The following RXFP1 variants were observed in gnomAD, a reference collection of about 807,000 sequenced individuals.
The protein encoded by RXFP1 is relaxin family peptide receptor 1.
A neutral mutation model predicts 89.8 loss-of-function variants in RXFP1; 73 were observed. The observed-to-expected ratio is 0.81, with a 90% CI of 0.67 to 0.99. RXFP1 has a LOEUF of 0.99. Among genes scored for constraint, RXFP1 ranks in the 50% least tolerant of loss-of-function variants. The pLI, the probability that RXFP1 is intolerant of heterozygous loss-of-function variation, is 0.00. For synonymous variants in RXFP1, 277 were observed against 305.5 expected, an observed-to-expected ratio of 0.91 and a Z score of 0.97; for missense variants, 793 against 895.5, an observed-to-expected ratio of 0.89 and a Z score of 1.46.
intron 1 of RXFP1, among the ~76,000 whole-genome samples, chr4:158,540,618 C>T (rs1268213493): frequency 6.7e-6 from 1 of 150,032 alleles, no homozygotes; most frequent in Non-Finnish European, 1.5e-5. Flanking sequence ...ATGCAGCCTA[C>T]TAGATCTCCA....
At chr4:158,539,646 G>A (rs986145365) in intron 1 of RXFP1, among the ~76,000 whole-genome samples, 2 of 152,134 alleles carry the variant, frequency 1.3e-5, no homozygotes, top group Non-Finnish European at 2.9e-5. Context: ...CATCAAATTA[G>A]ACCACATGTG....
At chr4:158,552,628 A>G (rs1750399168) in intron 1 of RXFP1, among the ~76,000 whole-genome samples, 1 of 152,252 alleles carries the variant, frequency 6.6e-6, no homozygotes, top group African/African-American at 2.4e-5. Context: ...GGTTCAAGTT[A>G]CAAAATAGAA....
intron 1 of RXFP1, chr4:158,543,638 T>G: frequency 2.2e-6 from 1 of 450,142 alleles, no homozygotes; most frequent in Non-Finnish European, 2.9e-6. Flanking sequence ...CCAGTCAGTA[T>G]TTATATTTAT....
At chr4:158,568,351 A>G (rs1438093241) in intron 1 of RXFP1, among the ~76,000 whole-genome samples, 2 of 152,254 alleles carry the variant, frequency 1.3e-5, no homozygotes, top group African/African-American at 4.8e-5. Context: ...ACATAAAAAG[A>G]TAATATTCAG....
chr4:158,617,147 G>A lies in RXFP1; in HGVS notation c.697G>A (p.Val233Ile), dbSNP rs116791794. 3.6e-4 allele frequency: 578 copies of A among 1,607,846 alleles called. 2 individuals are homozygous for A. In the African/African-American group the frequency reaches 6.5e-3, roughly 18 times the overall value. Residue 233 changes from valine (V) to isoleucine (I), a missense_variant, in exon 9 of 18, where the codon GTC (valine) becomes ATC (isoleucine). Coordinates refer to ENST00000307765, the MANE Select transcript of RXFP1 (RefSeq NM_021634.4). ...SLILLVLMNN[V>I]LTRLPDKPLC... ...CTTTTTCAGAGTCCTGATGAATAACGTCCTCACCCGTTTACCTGATAAACC... is the reference window on the plus strand; with the variant it reads ...CTTTTTCAGAGTCCTGATGAATAACATCCTCACCCGTTTACCTGATAAACC...
intron 9 of RXFP1, among the ~76,000 whole-genome samples, chr4:158,617,699 T>C (rs1186263435): frequency 6.6e-6 from 1 of 152,116 alleles, no homozygotes; most frequent in African/African-American, 2.4e-5. Flanking sequence ...CACTCCACCA[T>C]TTAGAACTCA....
chr4:158,612,330 A>C lies in RXFP1; in HGVS notation c.648A>C (p.Pro216=). ...ATCACCTCAGTCGAATTTCCCCACC[A>C]ACATTTTATGGACTAAATTCTCTTA... is the stretch of plus-strand genomic sequence containing the variant. The part of the protein sequence containing the change: ...EDNHLSRISP[P]TFYGLNSLIL... Residue 216 remains proline, a synonymous_variant, in exon 8 of 18, where the codon CCA becomes CCC. Coordinates refer to ENST00000307765, the MANE Select transcript of RXFP1 (RefSeq NM_021634.4). The C allele has an allele frequency of 6.2e-7, 1 of 1,612,164 alleles. No homozygotes were observed. Among genetic ancestry groups the C allele is most frequent in the Non-Finnish European group, 8.5e-7 (1 of 1,178,810 alleles).
chr4:158,585,051 A>G (rs941971458), intron 2 of RXFP1, among the ~76,000 whole-genome samples: 3 of 152,154 alleles, frequency 2.0e-5, no homozygotes, highest in African/African-American at 7.2e-5. Context: ...CTTTTCTTTC[A>G]AGTTCCCAGG....
chr4:158,555,381 G>A (rs1283875824), intron 1 of RXFP1, among the ~76,000 whole-genome samples: 4 of 152,168 alleles, frequency 2.6e-5, no homozygotes, highest in Non-Finnish European at 5.9e-5. Flanking sequence ...TCCCAAAAAT[G>A]ATAACCAGCC....
At chr4:158,625,657 T>C (rs950791084) in intron 9 of RXFP1, among the ~76,000 whole-genome samples, 2 of 152,154 alleles carry the variant, frequency 1.3e-5, no homozygotes, top group African/African-American at 4.8e-5. Context: ...TCAGCATCTA[T>C]TTTTAATGCA....
chr4:158,611,051 A>G (rs1446737498), intron 6 of RXFP1, among the ~76,000 whole-genome samples: 1 of 152,220 alleles, frequency 6.6e-6, no homozygotes, highest in East Asian at 1.9e-4. Flanking sequence ...GAGGGAAGAA[A>G]CTGGAGTAAG....
intron 1 of RXFP1, among the ~76,000 whole-genome samples, chr4:158,554,784 TA>T (rs1387286808): frequency 6.6e-6 from 1 of 152,048 alleles, no homozygotes; most frequent in Non-Finnish European, 1.5e-5. Flanking sequence ...ATGCTGGAAA[TA>T]AGTCATAGAG....
At chr4:158,640,688 T>G (rs76402494) in intron 14 of RXFP1, among the ~76,000 whole-genome samples, 1 of 152,178 alleles carries the variant, frequency 6.6e-6, no homozygotes, top group African/African-American at 2.4e-5. Flanking sequence ...GAATCAACTT[T>G]TGACATGAGA....
chr4:158,562,544 AAAAAAAAT>A (rs1752701229), intron 1 of RXFP1, among the ~76,000 whole-genome samples: 2 of 148,348 alleles, frequency 1.3e-5, no homozygotes, highest in African/African-American at 2.5e-5. Flanking sequence ...AAAAAAAAAA[AAAAAAAAT>A]ACACATATTT....
At chr4:158,626,111 T>TAGATAG (rs1766658287) in intron 9 of RXFP1, among the ~76,000 whole-genome samples, 52 of 136,592 alleles carry the variant, frequency 3.8e-4, no homozygotes, top group African/African-American at 1.3e-3. Context: ...TAGATATCTA[T>TAGATAG]ATAGATAGAT....
intron 1 of RXFP1, among the ~76,000 whole-genome samples, chr4:158,536,062 G>A (rs1745210705): frequency 6.6e-6 from 1 of 152,194 alleles, no homozygotes; most frequent in Non-Finnish European, 1.5e-5. Context: ...CCATTATCTG[G>A]AAGTACATAC....
intron 11 of RXFP1, among the ~76,000 whole-genome samples, chr4:158,632,838 A>C (rs756094180): frequency 6.6e-6 from 1 of 152,222 alleles, no homozygotes; most frequent in Non-Finnish European, 1.5e-5. Context: ...AAGAAGGGGC[A>C]CAACACAGAA....
At chr4:158,618,042 C>A (rs559077277) in intron 9 of RXFP1, among the ~76,000 whole-genome samples, 6 of 152,200 alleles carry the variant, frequency 3.9e-5, no homozygotes, top group African/African-American at 1.2e-4. Flanking sequence ...TACTAATCTG[C>A]AACCTCTCAG....
chr4:158,573,973 T>G (rs1187886793), intron 2 of RXFP1, among the ~76,000 whole-genome samples: 1 of 152,222 alleles, frequency 6.6e-6, no homozygotes, highest in African/African-American at 2.4e-5. Context: ...ACAACTTACT[T>G]CCTACTTAAC....
Sources: allele counts gnomAD v4.1 joint callset (sites outside exome capture counted in the v4.1 genomes callset), GRCh38; gene constraint gnomAD v4.1.1; transcripts MANE v1.5; gene names NCBI Gene and HGNC (gene_info 2026-07-23, HGNC 2026-07-21).